The following ACSF3 variants were observed in gnomAD, a reference collection of about 807,000 sequenced individuals.
The protein encoded by ACSF3 is acyl-CoA synthetase family member 3.
ACSF3 carries 78 observed loss-of-function variants against 53.2 expected under a neutral mutation model. The ratio of observed to expected loss-of-function variants is 1.47; its 90% CI spans 1.22 to 1.77. The LOEUF (loss-of-function observed/expected upper bound fraction) is 1.77, where lower values mean the gene tolerates loss of function less well. ACSF3 is among the 40% of genes most tolerant of loss of function. ACSF3 has a pLI of 0.00. For missense variants in ACSF3, 937 were observed against 771.1 expected, an observed-to-expected ratio of 1.22 and a Z score of -2.55; for synonymous variants, 414 against 333.1, an observed-to-expected ratio of 1.24 and a Z score of -2.65.
chr16:89,148,951 C>G (rs1384568858), intron 10 of ACSF3: 1 of 152,232 alleles, frequency 6.6e-6, no homozygotes. Flanking sequence ...CTGCAGCCAG[C>G]TTGAATTCCT....
intron 1 of ACSF3, among the ~76,000 whole-genome samples, chr16:89,096,377 G>A (rs529270607): frequency 6.8e-4 from 103 of 152,320 alleles, no homozygotes; most frequent in Non-Finnish European, 1.2e-3. Flanking sequence ...AGGAAGCTGG[G>A]GTGCCTCTGG....
intron 7 of ACSF3, among the ~76,000 whole-genome samples, chr16:89,131,132 T>TC (rs1191969592): frequency 2.4e-5 from 3 of 125,560 alleles, no homozygotes; most frequent in Non-Finnish European, 3.3e-5. Context: ...TTTTTCTTTT[T>TC]TTTTTTTTTT....
At chr16:89,095,613 T>TGGGGGGGGGGGGGGGGG (rs1974523355) in intron 1 of ACSF3, among the ~76,000 whole-genome samples, 1 of 131,080 alleles carries the variant, frequency 7.6e-6, no homozygotes, top group African/African-American at 3.0e-5. Flanking sequence ...GGGGCGGGGG[T>TGGGGGGGGGGGGGGGGG]GTCAGGTGTG....
Position 89,112,159 on chromosome 16 carries a change from A to C in ACSF3, c.890A>C (p.Tyr297Ser). The change falls in exon 5 of 11, where the codon TAC (tyrosine) becomes TCC (serine). Residue 297 changes from tyrosine (Y) to serine (S), a missense_variant. Transcript: ENST00000614302. ...GTCTTTATGGCAGTGCCTACAATAT[A>C]CACCAAGCTGATGGAGTACTACGAC... ...INVFMAVPTI[Y>S]TKLMEYYDRH... 1 of 1,184,762 alleles carries C rather than the reference A, an allele frequency of 8.4e-7. No individual in the cohort carries two copies. The highest frequency in any genetic ancestry group is 1.1e-6 in the Non-Finnish European group (1 of 940,562). 73.4% of individuals were successfully genotyped at this position (1,184,762 alleles called of 1,614,324 possible). A position where few individuals can be genotyped will look rare whatever the true frequency, so the allele number is the denominator to read the frequency against.
At chr16:89,147,526 GGGGGGGGGGGAGGGGCCACAGAGCGAGGA>G (rs1567750308) in intron 10 of ACSF3, 1 of 48,778 alleles carries the variant, frequency 2.1e-5, no homozygotes, top group Non-Finnish European at 4.3e-5. Flanking sequence ...AGAGTGAGCG[GGGGGGGGGGGAGGGGCCACAGAGCGAGGA>G]GGGGGTGGGA....
intron 10 of ACSF3, 92 bp from the exon 11 acceptor site, chr16:89,153,998 C>A: frequency 1.5e-6 from 2 of 1,356,660 alleles, no homozygotes; most frequent in East Asian, 2.4e-5. Flanking sequence ...CTGCAGGGTC[C>A]CAGGGGCACC....
At position 89,154,221 on chromosome 16, in the gene ACSF3, G is replaced by A. The variant is rs781520797; in HGVS notation, c.*14G>A. The A allele has an allele frequency of 1.9e-6, 3 of 1,610,410 alleles. No individual in the cohort carries two copies. Among genetic ancestry groups the A allele is most frequent in the Non-Finnish European group, 8.5e-7 (1 of 1,177,942 alleles). On this transcript the variant is annotated 3_prime_UTR_variant, in exon 11 of 11. Coordinates refer to ENST00000614302, the MANE Select transcript of ACSF3 (RefSeq NM_001243279.3). Reference sequence around the variant, plus strand: ...CACCCCTCATGACCCGGCAGACTGGGACTGCGGGTCTGGTGGGGAGCAGCA... The same window carrying A: ...CACCCCTCATGACCCGGCAGACTGGAACTGCGGGTCTGGTGGGGAGCAGCA...
chr16:89,123,239 G>T (rs759865032), intron 7 of ACSF3, among the ~76,000 whole-genome samples: 26 of 152,170 alleles, frequency 1.7e-4, no homozygotes, highest in Non-Finnish European at 3.5e-4. Flanking sequence ...CGACACCTGA[G>T]ATTCAGGGCT....
rs538324681 is a variant in ACSF3, at chr16:89,094,438, C to T, written c.-194+442C>T. 2.0e-5 allele frequency among the ~76,000 whole-genome samples: 3 copies of T among 152,316 alleles called. No homozygotes were observed. The East Asian group carries it at 5.8e-4, about 29-fold the overall frequency. Reference sequence around the variant, plus strand: ...GGCACAGGTTCACAGCCGGCCTAGCCCCTGAGGGCATGTAGATCTATGAGC... The same window carrying T: ...GGCACAGGTTCACAGCCGGCCTAGCTCCTGAGGGCATGTAGATCTATGAGC... On this transcript the variant is annotated intron_variant, in intron 1 of 10. Transcript: ENST00000614302.
At position 89,133,147 on chromosome 16, in the gene ACSF3, G is replaced by T. The variant is rs3743984; in HGVS notation, c.1251G>T (p.Gly417=). The T allele has an allele frequency of 5.2e-5, 84 of 1,613,926 alleles. No individual in the cohort carries two copies. In the East Asian group the frequency reaches 1.8e-3, roughly 35 times the overall value. ...TTCATCCTCCACAGGTGACCCCAGG[G>T]TTTGAAGAAAAGGAGGGGGAGCTGC... ...GDERGTKVTP[G]FEEKEGELLV... is the part of the protein sequence containing the mutation. Residue 417 remains glycine, a synonymous_variant, in exon 8 of 11, where the codon GGG becomes GGT. Coordinates refer to ENST00000614302, the MANE Select transcript of ACSF3 (RefSeq NM_001243279.3).
intron 10 of ACSF3, chr16:89,147,447 A>G (rs1913251467): frequency 1.5e-5 from 1 of 67,864 alleles, no homozygotes; most frequent in African/African-American, 6.3e-5. Flanking sequence ...GGGAGGAGGG[A>G]GGGGTCACAG....
At chr16:89,135,178 A>G (rs1175066937) in intron 8 of ACSF3, among the ~76,000 whole-genome samples, 1 of 151,028 alleles carries the variant, frequency 6.6e-6, no homozygotes, top group Admixed American at 6.6e-5. Context: ...ATTTTCATGC[A>G]TCAGAATCTG....
At chr16:89,139,841 C>T (rs1323812444) in intron 8 of ACSF3, among the ~76,000 whole-genome samples, 1 of 152,244 alleles carries the variant, frequency 6.6e-6, no homozygotes, top group East Asian at 1.9e-4. Flanking sequence ...GATCTCCCCA[C>T]CTCAGCGTCC....
chr16:89,136,787 G>C, intron 8 of ACSF3: 1 of 1,287,266 alleles, frequency 7.8e-7, no homozygotes, highest in Non-Finnish European at 1.0e-6. Context: ...TGAGGCCAGG[G>C]GTCTCCGCTG....
intron 4 of ACSF3, among the ~76,000 whole-genome samples, chr16:89,104,803 C>G (rs1469842546): frequency 2.0e-5 from 3 of 152,248 alleles, no homozygotes; most frequent in African/African-American, 7.2e-5. Flanking sequence ...GGGCTCTTCT[C>G]TAGCCTCCAC....
intron 8 of ACSF3, among the ~76,000 whole-genome samples, chr16:89,133,474 C>T (rs1051161134): frequency 1.6e-4 from 24 of 152,340 alleles, no homozygotes; most frequent in African/African-American, 5.3e-4. Context: ...CTCCTTGGCC[C>T]TGTCCCTCAG....
chr16:89,118,621 C>T (rs183788336), intron 6 of ACSF3, among the ~76,000 whole-genome samples: 4 of 152,332 alleles, frequency 2.6e-5, no homozygotes, highest in Admixed American at 1.3e-4. Context: ...AGGCCTGCTC[C>T]GTGCGGTTCC....
intron 8 of ACSF3, chr16:89,136,724 C>T (rs760998211): frequency 1.3e-5 from 17 of 1,287,180 alleles, no homozygotes; most frequent in Admixed American, 2.3e-5. Flanking sequence ...GCCTCCCCCA[C>T]CTGCCTCTGT....
chr16:89,139,175 T>A (rs1911234199), intron 8 of ACSF3, among the ~76,000 whole-genome samples: 1 of 152,190 alleles, frequency 6.6e-6, no homozygotes, highest in South Asian at 2.1e-4. Context: ...TTTTTCCTCT[T>A]TCTTTGTTTT....
Sources: allele counts gnomAD v4.1 joint callset (sites outside exome capture counted in the v4.1 genomes callset), GRCh38; gene constraint gnomAD v4.1.1; transcripts MANE v1.5; gene names NCBI Gene and HGNC (gene_info 2026-07-23, HGNC 2026-07-21).